The following DOK4 variants were observed in gnomAD, a reference collection of about 807,000 sequenced individuals.
DOK4 encodes docking protein 4.
DOK4 carries 26 observed loss-of-function variants against 40.1 expected under a neutral mutation model. The observed-to-expected ratio is 0.65, with a 90% CI of 0.48 to 0.90. The LOEUF (loss-of-function observed/expected upper bound fraction) is 0.90, where lower values mean the gene tolerates loss of function less well. DOK4 is among the 40% of genes least tolerant of loss of function. DOK4 has a pLI of 0.00. For synonymous variants in DOK4, 179 were observed against 177.0 expected (o/e 1.01, Z -0.09); for missense variants, 392 against 437.2 (o/e 0.90, Z 0.92).
intron 1 of DOK4, among the ~76,000 whole-genome samples, chr16:57,486,075 C>T (rs2031530348): frequency 6.6e-6 from 1 of 151,970 alleles, no homozygotes; most frequent in South Asian, 2.1e-4. Context: ...TGGGCTCCCC[C>T]GGAGAGGAAA....
exon 4 of DOK4, chr16:57,475,520 AAGGTACGTGCCG>A: frequency 5.6e-6 from 9 of 1,607,432 alleles, no homozygotes; most frequent in Non-Finnish European, 7.6e-6. Flanking sequence ...GTCGCAGGTG[AAGGTACGTGCCG>A]AGTCATCAGT....
At chr16:57,477,370 G>A (rs1226640510) in intron 2 of DOK4, among the ~76,000 whole-genome samples, 3 of 152,212 alleles carry the variant, frequency 2.0e-5, no homozygotes, top group African/African-American at 4.8e-5. Context: ...CAGCTGCAGC[G>A]CTCCCTTAAG....
In DOK4 at chr16:57,473,631, C is replaced by A; in HGVS notation, c.844G>T (p.Glu282Ter). ...GACTCACCAGCATAGCTGGAGGCTT[C>A]GGCGATGTTCTGGGAACCAGTGATG... The change falls in exon 8 of 9, where the codon GAA becomes TAA. Residue 282 changes from glutamate to a stop codon, truncating the protein, a stop_gained. Coordinates refer to ENST00000340099, the Ensembl canonical transcript of DOK4. LOFTEE classifies it high-confidence loss of function. 4.3e-6 allele frequency: 7 copies of A among 1,614,236 alleles called. No homozygotes were observed. Among genetic ancestry groups the A allele is most frequent in the Non-Finnish European group, 5.9e-6 (7 of 1,180,054 alleles).
intron 1 of DOK4, chr16:57,480,377 C>T (rs997120066): frequency 3.3e-5 from 5 of 152,308 alleles, no homozygotes; most frequent in Non-Finnish European, 5.9e-5. Flanking sequence ...CTCTTCCGCA[C>T]GCAGCTCTGG....
chr16:57,477,493 T>C (rs1294136497), intron 2 of DOK4, among the ~76,000 whole-genome samples: 1 of 152,198 alleles, frequency 6.6e-6, no homozygotes, highest in Non-Finnish European at 1.5e-5. Flanking sequence ...AATGGATGGA[T>C]GAATGGATGG....
At chr16:57,474,867 C>T (rs2146626283) in exon 6 of DOK4, 2 of 1,614,184 alleles carry the variant, frequency 1.2e-6, no homozygotes, top group Non-Finnish European at 1.7e-6. Context: ...ACGAGACGAG[C>T]TTCACACGGG....
chr16:57,482,618 C>T (rs1212217981), intron 1 of DOK4, among the ~76,000 whole-genome samples: 18 of 152,026 alleles, frequency 1.2e-4, no homozygotes, highest in African/African-American at 4.1e-4. Flanking sequence ...CCACCCGCCT[C>T]GGCCTTCCAA....
At chr16:57,486,005 G>A (rs1056577997) in intron 1 of DOK4, among the ~76,000 whole-genome samples, 2 of 152,162 alleles carry the variant, frequency 1.3e-5, no homozygotes, top group African/African-American at 4.8e-5. Flanking sequence ...GCCCGGGAGC[G>A]CAGGGCCTGG....
At chr16:57,481,879 T>G (rs2031420979) in intron 1 of DOK4, 1 of 151,136 alleles carries the variant, frequency 6.6e-6, no homozygotes, top group Non-Finnish European at 1.5e-5. Flanking sequence ...TCTTTTTCTT[T>G]TTTGAGACGG....
intron 2 of DOK4, among the ~76,000 whole-genome samples, chr16:57,477,074 G>A (rs1205730787): frequency 6.6e-6 from 1 of 152,232 alleles, no homozygotes; most frequent in Admixed American, 6.5e-5. Flanking sequence ...CCTCTTACTG[G>A]AAACAGTAGG....
exon 6 of DOK4, chr16:57,474,835 C>T (rs150421010): frequency 1.1e-5 from 17 of 1,614,130 alleles, no homozygotes; most frequent in Admixed American, 3.3e-5. Flanking sequence ...CCGGCCATAG[C>T]GGCGCAGTGA....
chr16:57,479,895 GA>G lies in DOK4; in HGVS notation c.-181-208del. The G allele has an allele frequency of 4.9e-6, 1 of 202,706 alleles. No individual in the cohort carries two copies. Among genetic ancestry groups the G allele is most frequent in the Non-Finnish European group, 1.0e-5 (1 of 98,730 alleles). 12.6% of individuals were successfully genotyped at this position (202,706 alleles called of 1,614,324 possible). ...AAACCGAGGTGGAGGCGGCAGTGAG[GA>G]AAATGGTCCAGCCCAGTCCCCTCCC... On this transcript the variant is annotated intron_variant, in intron 1 of 8. Coordinates refer to ENST00000340099, the Ensembl canonical transcript of DOK4. This position sits in a 1 kb window ranked among gnomAD's most constrained non-coding sequence, Gnocchi z 5.8.
intron 2 of DOK4, among the ~76,000 whole-genome samples, chr16:57,477,431 C>T (rs747501777): frequency 3.9e-5 from 6 of 152,240 alleles, no homozygotes; most frequent in Non-Finnish European, 7.3e-5. Flanking sequence ...CTGGTAGCCT[C>T]ATTAACAGCC....
intron 1 of DOK4, among the ~76,000 whole-genome samples, chr16:57,482,230 C>T (rs1468631292): frequency 2.6e-5 from 4 of 152,154 alleles, no homozygotes; most frequent in South Asian, 4.1e-4. Flanking sequence ...GGTGCCATCA[C>T]GGCTTACGGC....
chr16:57,477,727 C>G (rs2031243977), intron 2 of DOK4, among the ~76,000 whole-genome samples: 1 of 152,216 alleles, frequency 6.6e-6, no homozygotes, highest in Non-Finnish European at 1.5e-5. Context: ...GAGAAAGGCC[C>G]TGGCAGGTAG....
At chr16:57,486,503 C>CGCT (rs2031547035), upstream of DOK4, 1 of 151,252 alleles carries the variant, frequency 6.6e-6, no homozygotes, top group Non-Finnish European at 1.5e-5. Context: ...CGCTCCGCTC[C>CGCT]CCCCTCCGCC....
intron 1 of DOK4, among the ~76,000 whole-genome samples, chr16:57,481,304 C>T (rs1264668708): frequency 6.6e-6 from 1 of 152,146 alleles, no homozygotes; most frequent in Admixed American, 6.5e-5. Flanking sequence ...CCACTTGCAC[C>T]CTGATAGCCC....
intron 5 of DOK4, 41 bp downstream of exon 5, chr16:57,475,059 T>TCCTCCC (rs1289754731): frequency 6.5e-7 from 1 of 1,539,840 alleles, no homozygotes; most frequent in East Asian, 2.3e-5. Context: ...CCTCTCTTCC[T>TCCTCCC]CCTCCCCCTC....
intron 3 of DOK4, 40 bp from the exon 4 acceptor site, chr16:57,475,660 A>ATCTCTCTCTCCCTCTCTCTCTC (rs2031122106): frequency 2.3e-6 from 1 of 429,430 alleles, no homozygotes; most frequent in African/African-American, 3.9e-5. Context: ...AGGCCAGTGC[A>ATCTCTCTCTCCCTCTCTCTCTC]TCTCTCTCTC....
Sources: allele counts gnomAD v4.1 joint callset (sites outside exome capture counted in the v4.1 genomes callset), GRCh38; gene constraint gnomAD v4.1.1; non-coding constraint Gnocchi (gnomAD v3.1); transcripts MANE v1.5; gene names NCBI Gene and HGNC (gene_info 2026-07-23, HGNC 2026-07-21).